SLC44A3: variants seen among roughly 807,000 people sequenced by gnomAD.
The protein encoded by SLC44A3 is solute carrier family 44 member 3.
SLC44A3 carries 74 observed loss-of-function variants against 75.4 expected under a neutral mutation model. The ratio of observed to expected loss-of-function variants is 0.98; its 90% CI spans 0.81 to 1.19. The LOEUF (loss-of-function observed/expected upper bound fraction) is 1.19, where lower values mean the gene tolerates loss of function less well. Ranked by LOEUF, SLC44A3 falls within the 50% of genes most tolerant of loss-of-function variation. The pLI is 0.00. For missense variants in SLC44A3, 700 were observed against 778.6 expected, an observed-to-expected ratio of 0.90 and a Z score of 1.20; for synonymous variants, 310 against 296.9, an observed-to-expected ratio of 1.04 and a Z score of -0.45.
chr1:94,854,236 G>A (rs1293075787), intron 9 of SLC44A3, among the ~76,000 whole-genome samples: 2 of 152,232 alleles, frequency 1.3e-5, no homozygotes, highest in Admixed American at 1.3e-4. Context: ...GGACAGTGCA[G>A]AGATGTGACT....
In SLC44A3 at chr1:94,857,603, A is replaced by G; in HGVS notation, c.1238+103A>G. On this transcript the variant is annotated intron_variant, in intron 10 of 14. Transcript: ENST00000271227. ...TTTGGGAATGTTGACCTAGCCCCTT[A>G]AAAGAAGTTGGCAAGAATAAAAGAG... 2.4e-6 allele frequency: 3 copies of G among 1,230,082 alleles called. No individual in the cohort carries two copies. In the South Asian group the frequency reaches 5.9e-5, roughly 24 times the overall value. 76.2% of individuals were successfully genotyped at this position (1,230,082 alleles called of 1,614,324 possible).
chr1:94,893,064 A>G (rs1259039081), intron 14 of SLC44A3, among the ~76,000 whole-genome samples: 1 of 152,214 alleles, frequency 6.6e-6, no homozygotes, highest in East Asian at 1.9e-4. Flanking sequence ...CATACTGCTT[A>G]TATCTGGAAA....
At chr1:94,830,097 C>T (rs544771468) in intron 5 of SLC44A3, among the ~76,000 whole-genome samples, 5 of 152,274 alleles carry the variant, frequency 3.3e-5, no homozygotes, top group Admixed American at 1.3e-4. Flanking sequence ...TAAATCACAT[C>T]GGAGGCAGAA....
At chr1:94,864,406 T>C (rs1426504581) in intron 10 of SLC44A3, among the ~76,000 whole-genome samples, 1 of 152,180 alleles carries the variant, frequency 6.6e-6, no homozygotes. Context: ...ACCTTGGAGA[T>C]TGTGCCGCAA....
At chr1:94,833,386 C>T (rs1662388087) in intron 5 of SLC44A3, among the ~76,000 whole-genome samples, 1 of 152,118 alleles carries the variant, frequency 6.6e-6, no homozygotes, top group Non-Finnish European at 1.5e-5. Context: ...AGAGGCTTTC[C>T]TCAGTCCTGA....
intron 14 of SLC44A3, among the ~76,000 whole-genome samples, chr1:94,893,038 C>T (rs928875106): frequency 3.3e-5 from 5 of 152,196 alleles, no homozygotes; most frequent in African/African-American, 9.7e-5. Flanking sequence ...AAAAGCCACA[C>T]CCTCAGCGGA....
At chr1:94,884,358 A>G (rs1669331407) in intron 12 of SLC44A3, among the ~76,000 whole-genome samples, 1 of 152,172 alleles carries the variant, frequency 6.6e-6, no homozygotes, top group South Asian at 2.1e-4. Flanking sequence ...TGTGATAAAA[A>G]CAGGGCTCAA....
intron 12 of SLC44A3, among the ~76,000 whole-genome samples, chr1:94,880,458 A>G (rs1668824445): frequency 6.6e-6 from 1 of 152,234 alleles, no homozygotes; most frequent in African/African-American, 2.4e-5. Flanking sequence ...CGAATACTGT[A>G]TGATTCCATT....
At chr1:94,859,367 GA>G (rs1383632463) in intron 10 of SLC44A3, among the ~76,000 whole-genome samples, 2 of 152,022 alleles carry the variant, frequency 1.3e-5, no homozygotes, top group Non-Finnish European at 2.9e-5. Context: ...GTAAGAAACA[GA>G]GAGGCAATGA....
In SLC44A3 at chr1:94,830,414, T is replaced by C. The variant is rs191868587; in HGVS notation, c.509+1828T>C. Among the ~76,000 whole-genome samples the C allele has an allele frequency of 8.8e-3, 1,333 of 152,236 alleles. 28 individuals are homozygous for C. Among genetic ancestry groups the C allele is most frequent in the African/African-American group, 0.031 (1,283 of 41,532 alleles). On this transcript the variant is annotated intron_variant, in intron 5 of 14. Coordinates refer to ENST00000271227, the MANE Select transcript of SLC44A3 (RefSeq NM_001114106.3). ...TTTTAGTAGAGATGGGGTTTCTCCA[T>C]GTTGGCCAGGATGGTCTTGATCTCG...
chr1:94,891,207 G>T lies in SLC44A3; in HGVS notation c.1560G>T (p.Lys520Asn). The part of the protein sequence containing the change: ...SAKDAFKILS[K>N]NSSHFTSINC... ...AAGATGCATTCAAAATCTTGTCCAA[G>T]AACTCAAGTCACTTTACATCTATTA... The change falls in exon 13 of 15, where the codon AAG becomes AAT. Residue 520 changes from lysine (K) to asparagine (N), a missense_variant. Coordinates refer to ENST00000271227, the MANE Select transcript of SLC44A3 (RefSeq NM_001114106.3). 6.2e-7 allele frequency: 1 copy of T among 1,613,558 alleles called. No homozygotes were observed. Among genetic ancestry groups the T allele is most frequent in the Non-Finnish European group, 8.5e-7 (1 of 1,179,780 alleles).
In SLC44A3 at chr1:94,857,488, G is replaced by C. The variant is rs1666027704; in HGVS notation, c.1226G>C (p.Cys409Ser). 6.2e-7 allele frequency: 1 copy of C among 1,610,710 alleles called. No homozygotes were observed. The highest frequency in any genetic ancestry group is 1.1e-5 in the South Asian group (1 of 90,336). Residue 409 changes from cysteine to serine, a missense_variant, in exon 10 of 15, where the codon TGT (cysteine) becomes TCT (serine). Physicochemically the swap from Cys to Ser is moderately radical, Grantham distance 112. Coordinates refer to ENST00000271227, the MANE Select transcript of SLC44A3 (RefSeq NM_001114106.3). ...QMTIAGAVVT[C>S]YFNRSKNDPP... ...ACTATAGCTGGGGCAGTGGTTACTT[G>C]TTATTTCAACAGGTAGGTCCAGTGT...
At chr1:94,832,658 C>T (rs549103450) in intron 5 of SLC44A3, among the ~76,000 whole-genome samples, 1 of 152,316 alleles carries the variant, frequency 6.6e-6, no homozygotes, top group South Asian at 2.1e-4. Flanking sequence ...TTGCAACAGA[C>T]ACTTTCAATT....
Position 94,895,093 on chromosome 1 carries a change from G to A in SLC44A3, c.*171G>A, listed in dbSNP as rs1670626992. On this transcript the variant is annotated 3_prime_UTR_variant, in exon 15 of 15. Coordinates refer to ENST00000271227, the MANE Select transcript of SLC44A3 (RefSeq NM_001114106.3). ...ATTGTTTGACCAGGTAACAATACTG[G>A]AACTATATTAGTTTACCTTTTTTTG... 1 of 567,236 alleles carries A rather than the reference G, an allele frequency of 1.8e-6. No homozygotes were observed. Among genetic ancestry groups the A allele is most frequent in the Non-Finnish European group, 3.2e-6 (1 of 314,248 alleles). The allele number at this position is 567,236 out of a possible 1,614,324, so 35.1% of individuals were successfully genotyped here.
chr1:94,826,176 A>G (rs1571156975), intron 3 of SLC44A3, among the ~76,000 whole-genome samples: 1 of 152,348 alleles, frequency 6.6e-6, no homozygotes, highest in East Asian at 1.9e-4. Context: ...TGAGATATGT[A>G]AAGTAGTCAG....
intron 12 of SLC44A3, among the ~76,000 whole-genome samples, chr1:94,877,689 C>T (rs1236516937): frequency 1.3e-5 from 2 of 152,036 alleles, no homozygotes. Context: ...AAAAAGTTCC[C>T]AAAAGTTTTG....
In SLC44A3 at chr1:94,864,906, C is replaced by A; in HGVS notation, c.1395+7C>A. The A allele has an allele frequency of 6.2e-7, 1 of 1,612,834 alleles. No homozygotes were observed. Among genetic ancestry groups the A allele is most frequent in the Non-Finnish European group, 8.5e-7 (1 of 1,179,474 alleles). On this transcript the variant is annotated splice_region_variant and intron_variant, in intron 11 of 14. Coordinates refer to ENST00000271227, the MANE Select transcript of SLC44A3 (RefSeq NM_001114106.3). ...AAACGCACTGAAAGAACAGGTAAGG[C>A]TACCTCCTGATACACAGCACGTTCT...
intron 12 of SLC44A3, among the ~76,000 whole-genome samples, chr1:94,885,884 G>A (rs943769574): frequency 6.6e-6 from 1 of 152,158 alleles, no homozygotes; most frequent in Non-Finnish European, 1.5e-5. Flanking sequence ...TTGCACACCT[G>A]CCTACTGACT....
chr1:94,829,016 G>A (rs12058606), intron 5 of SLC44A3, among the ~76,000 whole-genome samples: 2,848 of 152,216 alleles, frequency 0.019, 80 homozygotes, highest in African/African-American at 0.062. Context: ...TGAGCCAGGC[G>A]GATCACGAGG....
Sources: gnomAD v4.1 joint callset for allele counts (sites outside exome capture counted in the v4.1 genomes callset) on GRCh38, gnomAD v4.1.1 for gene constraint, MANE v1.5 for transcripts, NCBI Gene and HGNC (gene_info 2026-07-23, HGNC 2026-07-21) for gene names.